The following GALNTL6 variants were observed in gnomAD, a reference collection of about 807,000 sequenced individuals.
The protein encoded by GALNTL6 is polypeptide N-acetylgalactosaminyltransferase like 6, also known as polypeptide N-acetylgalactosaminyltransferase-like 6.
A neutral mutation model predicts 73.7 loss-of-function variants in GALNTL6; 46 were observed. The observed-to-expected ratio is 0.62, with a 90% confidence interval of 0.49 to 0.80. The LOEUF is 0.80. Among genes scored for constraint, GALNTL6 ranks in the 30% least tolerant of loss-of-function variants. GALNTL6 has a pLI of 0.00. For missense variants in GALNTL6, 604 were observed against 755.0 expected (o/e 0.80, Z 2.34); for synonymous variants, 259 against 263.7 (o/e 0.98, Z 0.17).
intron 10 of GALNTL6, among the ~76,000 whole-genome samples, chr4:173,002,731 G>T (rs1370360346): frequency 6.7e-6 from 1 of 150,254 alleles, no homozygotes; most frequent in Non-Finnish European, 1.5e-5. Context: ...GGAGGCGGAG[G>T]TTGCAGTGAG....
intron 2 of GALNTL6, among the ~76,000 whole-genome samples, chr4:171,972,212 T>C (rs1400281936): frequency 6.6e-6 from 1 of 152,160 alleles, no homozygotes; most frequent in Non-Finnish European, 1.5e-5. Flanking sequence ...TTCATACATA[T>C]ATATGTGTGT....
intron 5 of GALNTL6, among the ~76,000 whole-genome samples, chr4:172,600,267 C>A (rs1297056905): frequency 2.6e-5 from 4 of 151,910 alleles, no homozygotes; most frequent in Non-Finnish European, 2.9e-5. Context: ...AAAAAAAAAT[C>A]TTTAACAAAA....
chr4:172,004,526 T>G (rs1379366341), intron 2 of GALNTL6, among the ~76,000 whole-genome samples: 1 of 152,094 alleles, frequency 6.6e-6, no homozygotes, highest in East Asian at 1.9e-4. Flanking sequence ...CCTGCTCAGT[T>G]TTACTAATTA....
chr4:171,833,376 T>C (rs1431085669), intron 2 of GALNTL6, among the ~76,000 whole-genome samples: 1 of 151,782 alleles, frequency 6.6e-6, no homozygotes, highest in Non-Finnish European at 1.5e-5. Context: ...GCACACTTTA[T>C]GTTTAGCCAG....
chr4:171,885,066 G>A (rs13137310), intron 2 of GALNTL6, among the ~76,000 whole-genome samples: 77,577 of 148,894 alleles, frequency 0.52, 21,329 homozygotes, highest in African/African-American at 0.7. Flanking sequence ...CAAAAAAAAA[G>A]AAAAGAAAAG....
intron 5 of GALNTL6, among the ~76,000 whole-genome samples, chr4:172,616,532 C>CT (rs56070364): frequency 0.38 from 44,625 of 117,182 alleles, 8,998 homozygotes; most frequent in African/African-American, 0.51. Context: ...AATCCATACT[C>CT]TTTTTTTTTT....
At chr4:171,928,209 G>C (rs1181500091) in intron 2 of GALNTL6, among the ~76,000 whole-genome samples, 2 of 152,192 alleles carry the variant, frequency 1.3e-5, no homozygotes, top group Non-Finnish European at 2.9e-5. Flanking sequence ...TGCAAAATAA[G>C]TAGTGTTGTA....
At chr4:172,357,036 A>G (rs188008088) in intron 5 of GALNTL6, among the ~76,000 whole-genome samples, 2 of 152,110 alleles carry the variant, frequency 1.3e-5, no homozygotes, top group Non-Finnish European at 2.9e-5. Context: ...TCATTTCACT[A>G]TGTGTATACC....
rs148816196 is a variant in GALNTL6 at position 172,997,311 on chromosome 4, C to T, written c.1372-11867C>T. Among the ~76,000 whole-genome samples, 532 of 152,148 alleles carry T rather than the reference C, an allele frequency of 3.5e-3. 3 individuals are homozygous for T. Among genetic ancestry groups the T allele is most frequent in the African/African-American group, 0.012 (507 of 41,498 alleles). ...CAGGTCTAGGAATTAGACATGGGTG[C>T]GAATCCTGCCTGCTGTCTGCTGGTT... On this transcript the variant is annotated intron_variant, in intron 10 of 12. Transcript: ENST00000506823.
chr4:172,610,425 T>G (rs1738483374), intron 5 of GALNTL6, among the ~76,000 whole-genome samples: 1 of 152,124 alleles, frequency 6.6e-6, no homozygotes, highest in African/African-American at 2.4e-5. Flanking sequence ...TTCAAATAAT[T>G]TCTGCCTTAA....
intron 10 of GALNTL6, among the ~76,000 whole-genome samples, chr4:173,006,542 A>C (rs1475367107): frequency 2.0e-5 from 3 of 152,230 alleles, no homozygotes; most frequent in Non-Finnish European, 2.9e-5. Flanking sequence ...TTGATTTTAC[A>C]AAACGTGTAT....
At chr4:172,813,501 C>T (rs764746205) in intron 6 of GALNTL6, 39 bp from the exon 7 acceptor site, 9 of 1,522,062 alleles carry the variant, frequency 5.9e-6, no homozygotes, top group Admixed American at 5.1e-5. Flanking sequence ...ATGACCTAGG[C>T]AGGCATGTCA....
At position 172,497,991 on chromosome 4, in the gene GALNTL6, C is replaced by CTTTTTTTTTTTTTT. The variant is rs10669113; in HGVS notation, c.553+149312_553+149313insTTTTTTTTTTTTTT. ...ACAGACTTTGGGGAATGTCACATTT[C>CTTTTTTTTTTTTTT]TTTTTTTTTTGTTTTTTTGAGATGG... On this transcript the variant is annotated intron_variant, in intron 5 of 12. Transcript: ENST00000506823. Among the ~76,000 whole-genome samples, 3 of 104,584 alleles carry CTTTTTTTTTTTTTT rather than the reference C, an allele frequency of 2.9e-5. 1 individual carries two copies. Among genetic ancestry groups the CTTTTTTTTTTTTTT allele is most frequent in the Non-Finnish European group, 5.6e-5 (3 of 54,032 alleles). The allele number at this position is 104,584 out of a possible 152,430, so 68.6% of individuals were successfully genotyped here.
intron 3 of GALNTL6, among the ~76,000 whole-genome samples, chr4:172,277,664 A>C (rs1236187351): frequency 6.6e-6 from 1 of 152,142 alleles, no homozygotes; most frequent in South Asian, 2.1e-4. Context: ...ACATATGTTA[A>C]TGTTTGCTCT....
chr4:172,670,057 C>T (rs370678439), intron 5 of GALNTL6, among the ~76,000 whole-genome samples: 10 of 152,254 alleles, frequency 6.6e-5, no homozygotes, highest in South Asian at 2.1e-4. Context: ...ATTTTCTTTA[C>T]GCAGTTTATC....
intron 2 of GALNTL6, among the ~76,000 whole-genome samples, chr4:172,143,801 A>G (rs1347881865): frequency 6.6e-6 from 1 of 152,062 alleles, no homozygotes; most frequent in African/African-American, 2.4e-5. Context: ...TCCTCACAGT[A>G]GTTCATATCT....
intron 5 of GALNTL6, among the ~76,000 whole-genome samples, chr4:172,731,661 C>T (rs1736156919): frequency 6.6e-6 from 1 of 151,934 alleles, no homozygotes; most frequent in Admixed American, 6.6e-5. Context: ...AGTCTTTCTA[C>T]TTTTTTGATA....
chr4:172,406,986 A>G (rs1286726655), intron 5 of GALNTL6, among the ~76,000 whole-genome samples: 1 of 151,988 alleles, frequency 6.6e-6, no homozygotes, highest in East Asian at 1.9e-4. Flanking sequence ...TCTGATATCT[A>G]TCATTATCTC....
In GALNTL6 at chr4:173,000,070, A is replaced by G. The variant is rs143819085; in HGVS notation, c.1372-9108A>G. Among the ~76,000 whole-genome samples the G allele has an allele frequency of 5.3e-5, 8 of 152,266 alleles. No individual in the cohort carries two copies. In the East Asian group the frequency reaches 1.2e-3, roughly 22 times the overall value. On this transcript the variant is annotated intron_variant, in intron 10 of 12. Coordinates refer to ENST00000506823, the MANE Select transcript of GALNTL6 (RefSeq NM_001034845.3). ...ACTACATCTTGATACTACTGCTACT[A>G]CTACTATGAAACATTAACATCTATT... is the stretch of plus-strand genomic sequence containing the variant.
Sources: allele counts gnomAD v4.1 joint callset (sites outside exome capture counted in the v4.1 genomes callset), GRCh38; gene constraint gnomAD v4.1.1; transcripts MANE v1.5; gene names NCBI Gene and HGNC (gene_info 2026-07-23, HGNC 2026-07-21).